The following SHISA9 variants were observed in gnomAD, a reference collection of about 807,000 sequenced individuals.
SHISA9 encodes the protein shisa family member 9, also known as protein shisa-9.
SHISA9 carries 13 observed loss-of-function variants against 38.0 expected under a neutral mutation model. The ratio of observed to expected loss-of-function variants is 0.34; its 90% CI spans 0.22 to 0.54. The LOEUF (loss-of-function observed/expected upper bound fraction) is 0.54, where lower values mean the gene tolerates loss of function less well. SHISA9 is among the 20% of genes least tolerant of loss of function. The probability of loss-of-function intolerance (pLI) is 0.91; values close to 1 mark genes in which losing one functional copy is unlikely to be tolerated. For missense variants in SHISA9, 538 were observed against 575.8 expected, an observed-to-expected ratio of 0.93 and a Z score of 0.67; for synonymous variants, 275 against 242.0, an observed-to-expected ratio of 1.14 and a Z score of -1.27.
At chr16:13,378,932 T>C in the SHISA9 span, among the ~76,000 whole-genome samples, 1 of 152,222 alleles carries the variant, frequency 6.6e-6, no homozygotes, top group East Asian at 1.9e-4. Context: ...ACTCTTTGTG[T>C]GTTTTCAGCA....
At position 13,213,280 on chromosome 16, in the gene SHISA9, C is replaced by G. The variant is rs751228461; in HGVS notation, c.875C>G (p.Ser292Trp). Reference sequence around the variant, plus strand: ...AGTTCTGATGGTGACTGGGCAGTATCGACACTTAAGTCACCAAAAGGTACT... The same window carrying G: ...AGTTCTGATGGTGACTGGGCAGTATGGACACTTAAGTCACCAAAAGGTACT... ...VGSSDGDWAV[S>W]TLKSPKADKV... The change falls in exon 4 of 5, where the codon TCG becomes TGG. Residue 292 changes from serine to tryptophan, a missense_variant. Ser to Trp is a radical substitution (Grantham distance 177, BLOSUM62 -3). Around this residue, in one of 4 missense-constraint regions of SHISA9, gnomAD observed 326 missense variants for 305.9 expected, o/e 1.07. Transcript: ENST00000558583. The G allele has an allele frequency of 6.4e-7, 1 of 1,551,802 alleles. No individual in the cohort carries two copies. The highest frequency in any genetic ancestry group is 8.7e-7 in the Non-Finnish European group (1 of 1,146,988).
At chr16:13,134,707 G>A (rs1308152222) in intron 2 of SHISA9, among the ~76,000 whole-genome samples, 1 of 152,058 alleles carries the variant, frequency 6.6e-6, no homozygotes, top group Non-Finnish European at 1.5e-5. Flanking sequence ...TTGATGAGAG[G>A]TGTTTCAGTC....
chr16:13,127,836 G>T (rs1241502824), intron 2 of SHISA9, among the ~76,000 whole-genome samples: 1 of 152,156 alleles, frequency 6.6e-6, no homozygotes, highest in African/African-American at 2.4e-5. Context: ...AGCACAGGAG[G>T]CTGAAGTCCA....
At chr16:13,310,834 C>T in the SHISA9 span, among the ~76,000 whole-genome samples, 1 of 151,922 alleles carries the variant, frequency 6.6e-6, no homozygotes, top group African/African-American at 2.4e-5. Context: ...CAGGGGCCTG[C>T]CACCATTCAC....
intron 2 of SHISA9, among the ~76,000 whole-genome samples, chr16:12,928,314 T>TTGTGTGTGTGTGTGTG (rs55763909): frequency 4.0e-5 from 6 of 150,934 alleles, no homozygotes; most frequent in Non-Finnish European, 7.4e-5. Context: ...CAGAGGTTGG[T>TTGTGTGTGTGTGTGTG]TGTGTGTGTG....
chr16:13,295,140 A>G, the SHISA9 span, among the ~76,000 whole-genome samples: 1 of 152,160 alleles, frequency 6.6e-6, no homozygotes, highest in African/African-American at 2.4e-5. Context: ...ACACTACATC[A>G]CCAAATTTTT....
chr16:13,360,291 C>A, the SHISA9 span, among the ~76,000 whole-genome samples: 7 of 152,192 alleles, frequency 4.6e-5, no homozygotes, highest in Non-Finnish European at 7.3e-5. Context: ...CACTTCAGTT[C>A]CCCACTGTGT....
At chr16:13,431,941 G>C in the SHISA9 span, among the ~76,000 whole-genome samples, 108 of 152,236 alleles carry the variant, frequency 7.1e-4, no homozygotes, top group African/African-American at 2.4e-3. Flanking sequence ...CACGCCTGCA[G>C]TCCCAGCTAC....
chr16:13,375,762 C>T, the SHISA9 span, among the ~76,000 whole-genome samples: 6 of 152,234 alleles, frequency 3.9e-5, no homozygotes, highest in African/African-American at 1.4e-4. Flanking sequence ...CTGAAAGCAA[C>T]TAAAGAAGAC....
At chr16:13,033,439 T>C (rs1009880786) in intron 2 of SHISA9, among the ~76,000 whole-genome samples, 1 of 152,236 alleles carries the variant, frequency 6.6e-6, no homozygotes, top group Non-Finnish European at 1.5e-5. Flanking sequence ...TTCATTTCTT[T>C]CTTTTTCAGA....
intron 2 of SHISA9, among the ~76,000 whole-genome samples, chr16:13,035,587 C>T (rs12927918): frequency 6.6e-6 from 1 of 151,698 alleles, no homozygotes; most frequent in Admixed American, 6.6e-5. Flanking sequence ...CTGGAGTGCA[C>T]TGGAGTGATG....
At chr16:12,978,806 T>A (rs1296717700) in intron 2 of SHISA9, among the ~76,000 whole-genome samples, 1 of 152,126 alleles carries the variant, frequency 6.6e-6, no homozygotes, top group Non-Finnish European at 1.5e-5. Context: ...GATTGATGAG[T>A]GGCTGGAGGG....
At chr16:13,266,295 A>C in the SHISA9 span, among the ~76,000 whole-genome samples, 1 of 152,148 alleles carries the variant, frequency 6.6e-6, no homozygotes, top group Non-Finnish European at 1.5e-5. Context: ...TTATTTCTTT[A>C]TTACCCTTTC....
chr16:13,248,897 A>G, the SHISA9 span, among the ~76,000 whole-genome samples: 1 of 152,168 alleles, frequency 6.6e-6, no homozygotes, highest in Non-Finnish European at 1.5e-5. Flanking sequence ...CAGAGAGGGT[A>G]GACCTTATGT....
intron 2 of SHISA9, among the ~76,000 whole-genome samples, chr16:13,116,232 C>G (rs890852878): frequency 6.6e-6 from 1 of 152,124 alleles, no homozygotes; most frequent in African/African-American, 2.4e-5. Flanking sequence ...AGAGAATTAA[C>G]GGTGGATTCT....
chr16:13,465,388 A>T, the SHISA9 span, among the ~76,000 whole-genome samples: 1 of 152,356 alleles, frequency 6.6e-6, no homozygotes, highest in East Asian at 1.9e-4. Context: ...CTGGAGGTCA[A>T]AGGAAAAGTC....
chr16:13,057,636 A>G (rs1227660581), intron 2 of SHISA9, among the ~76,000 whole-genome samples: 1 of 151,996 alleles, frequency 6.6e-6, no homozygotes, highest in Non-Finnish European at 1.5e-5. Flanking sequence ...TAAATAAGTG[A>G]TACTTTTTTA....
intron 2 of SHISA9, among the ~76,000 whole-genome samples, chr16:13,037,090 A>C (rs1315627285): frequency 1.7e-4 from 4 of 23,866 alleles, no homozygotes; most frequent in Non-Finnish European, 3.9e-4. Context: ...ACACCACACC[A>C]CACACACACA....
the SHISA9 span, among the ~76,000 whole-genome samples, chr16:13,308,571 C>T: frequency 6.6e-6 from 1 of 152,182 alleles, no homozygotes; most frequent in Non-Finnish European, 1.5e-5. Flanking sequence ...TGACGGTAAT[C>T]TTCAAATTCC....
Sources: allele counts gnomAD v4.1 joint callset (sites outside exome capture counted in the v4.1 genomes callset), GRCh38; gene constraint gnomAD v4.1.1; regional missense constraint gnomAD v4.1.1; transcripts MANE v1.5; gene names NCBI Gene and HGNC (gene_info 2026-07-23, HGNC 2026-07-21).